ACY3: variants seen among roughly 807,000 people sequenced by gnomAD.
The protein encoded by ACY3 is aminoacylase 3.
ACY3 carries 20 observed loss-of-function variants against 24.6 expected under a neutral mutation model. The ratio of observed to expected loss-of-function variants is 0.81; its 90% confidence interval spans 0.57 to 1.18. The LOEUF (loss-of-function observed/expected upper bound fraction) is 1.18. Among genes scored for constraint, ACY3 ranks in the 50% most tolerant of loss-of-function variants. ACY3 has a pLI of 0.00. For missense variants in ACY3, 423 were observed against 426.8 expected (o/e 0.99, Z 0.08); for synonymous variants, 174 against 188.4 (o/e 0.92, Z 0.62).
rs974426218 is a variant in ACY3 at position 67,647,601 on chromosome 11, C to T, written c.-94-12G>A. Reference sequence around the variant, plus strand: ...TGGTATTCATGGGCCTGGAGATCCACAGATGGGAAGTTTTGTGGCAAGCTG... The same window carrying T: ...TGGTATTCATGGGCCTGGAGATCCATAGATGGGAAGTTTTGTGGCAAGCTG... On this transcript the variant is annotated splice_polypyrimidine_tract_variant and intron_variant, in intron 1 of 7. Transcript: ENST00000255082. 7.0e-6 allele frequency: 1 copy of T among 143,018 alleles called. No homozygotes were observed. Among genetic ancestry groups the T allele is most frequent in the African/African-American group, 2.6e-5 (1 of 37,882 alleles). The allele number at this position is 143,018 out of a possible 1,614,324, so 8.9% of individuals were successfully genotyped here.
At chr11:67,643,033 T>C in intron 7 of ACY3, 94 bp from the exon 8 acceptor site, 1 of 1,122,478 alleles carries the variant, frequency 8.9e-7, no homozygotes, top group South Asian at 1.4e-5. Context: ...AAGATGCCCC[T>C]CATTCATGGC....
rs1291140948 is a variant in ACY3 at position 67,644,825 on chromosome 11, C to T, written c.679G>A (p.Gly227Ser). ...TCGGTGCGGGGGAAGTCCACGACGCCCACGGGTCTATAGGCTTCCATCTCA... is the reference window on the plus strand; with the variant it reads ...TCGGTGCGGGGGAAGTCCACGACGCTCACGGGTCTATAGGCTTCCATCTCA... ...AFEMEAYRPV[G>S]VVDFPRTEAG... Residue 227 changes from glycine (G) to serine (S), a missense_variant, in exon 7 of 8, where the codon GGC (glycine) becomes AGC (serine). By Grantham distance (56) the Gly-to-Ser change is moderately conservative. Transcript: ENST00000255082. 6.3e-7 allele frequency: 1 copy of T among 1,582,780 alleles called. No homozygotes were observed. The highest frequency in any genetic ancestry group is 8.6e-7 in the Non-Finnish European group (1 of 1,164,650).
chr11:67,646,902 C>G lies in ACY3; in HGVS notation c.142G>C (p.Ala48Pro), dbSNP rs1159074914. 6.2e-7 allele frequency: 1 copy of G among 1,611,522 alleles called. No homozygotes were observed. The highest frequency in any genetic ancestry group is 8.5e-7 in the Non-Finnish European group (1 of 1,179,372). The change falls in exon 3 of 8, where the codon GCT (alanine) becomes CCT (proline). Residue 48 changes from alanine (A) to proline (P), a missense_variant. Coordinates refer to ENST00000255082, the MANE Select transcript of ACY3 (RefSeq NM_080658.2). ...PAELQRASFS[A>P]VPVLANPAAT... ...GCCGGGTTGGCCAGCACAGGCACAG[C>G]GGAGAAGCTGGCTCTCTGCAGCTCT...
chr11:67,643,130 A>G (rs2134106629), intron 7 of ACY3, among the ~76,000 whole-genome samples, 191 bp from the exon 8 acceptor site: 1 of 152,362 alleles, frequency 6.6e-6, no homozygotes, highest in African/African-American at 2.4e-5. Context: ...AAATGAAGAC[A>G]CAGGTCACCT....
Position 67,646,989 on chromosome 11 carries a change from C to T in ACY3, c.55G>A (p.Gly19Ser), listed in dbSNP as rs1438587888. ...CCCGACATCTCGTTGCCATGCGTGC[C>T]CCCAGTCACAGCCACGCGACGCAGG... is the stretch of plus-strand genomic sequence containing the variant. ...EPLRRVAVTGGTHGNEMSGVY... is the reference protein window; with the variant it reads ...EPLRRVAVTGSTHGNEMSGVY... Residue 19 changes from glycine to serine, a missense_variant, in exon 3 of 8, where the codon GGC becomes AGC. Coordinates refer to ENST00000255082, the MANE Select transcript of ACY3 (RefSeq NM_080658.2). 2 of 1,565,766 alleles carry T rather than the reference C, an allele frequency of 1.3e-6. No individual in the cohort carries two copies. The highest frequency in any genetic ancestry group is 1.4e-5 in the African/African-American group (1 of 73,922).
At position 67,642,756 on chromosome 11, in the gene ACY3, C is replaced by A; in HGVS notation, c.928G>T (p.Ala310Ser). 1.9e-6 allele frequency: 3 copies of A among 1,614,128 alleles called. No homozygotes were observed. Among genetic ancestry groups the A allele is most frequent in the Non-Finnish European group, 2.5e-6 (3 of 1,180,032 alleles). The change falls in exon 8 of 8, where the codon GCG (alanine) becomes TCG (serine). Residue 310 changes from alanine (A) to serine (S), a missense_variant. Transcript: ENST00000255082. ...KFTFTVPAMPALTPAPSPAS is the reference protein window; with the variant it reads ...KFTFTVPAMPSLTPAPSPAS ...GCTGGGCTCGGGGCAGGGGTCAGCG[C>A]GGGCATGGCAGGCACGGTGAATGTG...
chr11:67,649,964 C>G (rs2134115461), intron 1 of ACY3, among the ~76,000 whole-genome samples: 1 of 152,330 alleles, frequency 6.6e-6, no homozygotes, highest in South Asian at 2.1e-4. Flanking sequence ...CACGTGTGAC[C>G]TGGCTCTGGC....
chr11:67,642,732 C>T lies in ACY3; in HGVS notation c.952G>A (p.Ala318Thr), dbSNP rs1855429763. 1 of 1,613,848 alleles carries T rather than the reference C, an allele frequency of 6.2e-7. No individual in the cohort carries two copies. The highest frequency in any genetic ancestry group is 1.1e-5 in the South Asian group (1 of 91,076). The change falls in exon 8 of 8, where the codon GCT becomes ACT. Residue 318 changes from alanine to threonine, a missense_variant. Ala to Thr is a moderately conservative substitution (Grantham distance 58, BLOSUM62 0). Coordinates refer to ENST00000255082, the MANE Select transcript of ACY3 (RefSeq NM_080658.2). Reference sequence around the variant, plus strand: ...GGGAGGTGTGTCTTGGGTTAGGAAGCTGGGCTCGGGGCAGGGGTCAGCGCG... The same window carrying T: ...GGGAGGTGTGTCTTGGGTTAGGAAGTTGGGCTCGGGGCAGGGGTCAGCGCG... ...MPALTPAPSP[A>T]S is the part of the protein sequence containing the mutation.
At chr11:67,645,616 G>A (rs112548068) in intron 4 of ACY3, 76 bp downstream of exon 4, 5 of 1,500,902 alleles carry the variant, frequency 3.3e-6, no homozygotes, top group African/African-American at 2.8e-5. Context: ...AGCAAAGGAG[G>A]TTCCAGCATT....
In ACY3 at chr11:67,649,716, C is replaced by T. The variant is rs565571407; in HGVS notation, c.-95+867G>A. 6.3e-5 allele frequency among the ~76,000 whole-genome samples: 9 copies of T among 143,016 alleles called. No homozygotes were observed. The South Asian group carries it at 1.1e-3, about 18-fold the overall frequency. 93.8% of individuals were successfully genotyped at this position (143,016 alleles called of 152,430 possible). On this transcript the variant is annotated intron_variant, in intron 1 of 7. Transcript: ENST00000255082. ...GTGTGCATGTATGTGTACATGTGTG[C>T]GTGTGTGCATGAGAGCATGTGTGCG...
intron 1 of ACY3, among the ~76,000 whole-genome samples, chr11:67,649,183 G>A (rs897976274): frequency 6.6e-6 from 1 of 152,240 alleles, no homozygotes; most frequent in South Asian, 2.1e-4. Flanking sequence ...GCTTGGGGTA[G>A]GGGTCTCAGG....
chr11:67,649,938 G>A (rs1011317184), intron 1 of ACY3, among the ~76,000 whole-genome samples: 2 of 133,876 alleles, frequency 1.5e-5, no homozygotes, highest in Non-Finnish European at 2.9e-5. Flanking sequence ...GTGTGCGTGT[G>A]TGTGTGTTGT....
chr11:67,647,277 T>C (rs1401712684), intron 2 of ACY3, among the ~76,000 whole-genome samples: 1 of 152,186 alleles, frequency 6.6e-6, no homozygotes, highest in African/African-American at 2.4e-5. Context: ...TTCTTTTTCC[T>C]AAATTGAGAA....
intron 7 of ACY3, among the ~76,000 whole-genome samples, chr11:67,643,362 G>A (rs367660987): frequency 7.9e-5 from 12 of 152,322 alleles, no homozygotes; most frequent in East Asian, 5.8e-4. Flanking sequence ...TCTGGCACAC[G>A]GTAAGTACAA....
At chr11:67,647,801 C>T (rs1855547056) in intron 1 of ACY3, among the ~76,000 whole-genome samples, 1 of 152,248 alleles carries the variant, frequency 6.6e-6, no homozygotes, top group Non-Finnish European at 1.5e-5. Context: ...CGTCCTTCTG[C>T]TGGGCCCCAG....
intron 5 of ACY3, 44 bp downstream of exon 5, chr11:67,645,243 C>T: frequency 4.3e-6 from 7 of 1,611,132 alleles, no homozygotes; most frequent in Non-Finnish European, 5.9e-6. Flanking sequence ...CCCGCCCCTC[C>T]AGCCCTCCTG....
At chr11:67,642,996 G>C (rs1855438190) in intron 7 of ACY3, 57 bp from the exon 8 acceptor site, 7 of 1,527,096 alleles carry the variant, frequency 4.6e-6, no homozygotes, top group Admixed American at 1.9e-5. Flanking sequence ...TGGCCCCAGA[G>C]GGGGGTGACC....
chr11:67,643,310 C>A (rs1026649938), intron 7 of ACY3, among the ~76,000 whole-genome samples: 1 of 152,258 alleles, frequency 6.6e-6, no homozygotes. Flanking sequence ...TCCTATCATT[C>A]TGAAGTTTAG....
Position 67,650,616 on chromosome 11 carries a change from G to A in ACY3, c.-128C>T, listed in dbSNP as rs924314893. The A allele has an allele frequency of 1.3e-5, 2 of 152,168 alleles. No homozygotes were observed. Among genetic ancestry groups the A allele is most frequent in the African/African-American group, 4.8e-5 (2 of 41,434 alleles). 9.4% of individuals were successfully genotyped at this position (152,168 alleles called of 1,614,324 possible). On this transcript the variant is annotated 5_prime_UTR_variant, in exon 1 of 8. Coordinates refer to ENST00000255082, the MANE Select transcript of ACY3 (RefSeq NM_080658.2). Reference sequence around the variant, plus strand: ...CCCCAGAGGGTTGAGGGTGACTCCCGGGGATCTTCTGCTTGCTGCGTGGCC... The same window carrying A: ...CCCCAGAGGGTTGAGGGTGACTCCCAGGGATCTTCTGCTTGCTGCGTGGCC...
Sources: gnomAD v4.1 joint callset for allele counts (sites outside exome capture counted in the v4.1 genomes callset) on GRCh38, gnomAD v4.1.1 for gene constraint, MANE v1.5 for transcripts, NCBI Gene and HGNC (gene_info 2026-07-23, HGNC 2026-07-21) for gene names.